The following CATSPERE variants were observed in gnomAD, a reference collection of about 807,000 sequenced individuals.
The protein encoded by CATSPERE is cation channel sperm-associated auxiliary subunit epsilon.
A neutral mutation model predicts 114.1 loss-of-function variants in CATSPERE; 93 were observed. That is an observed-to-expected ratio of 0.81 (90% CI 0.69 to 0.97). The LOEUF (loss-of-function observed/expected upper bound fraction) is 0.97, where lower values mean the gene tolerates loss of function less well. CATSPERE is among the 50% of genes least tolerant of loss of function. CATSPERE has a pLI of 0.00. For missense variants in CATSPERE, 1,058 were observed against 1,131.6 expected (o/e 0.93, Z 0.93); for synonymous variants, 341 against 384.1 (o/e 0.89, Z 1.31).
At chr1:244,523,957 T>G (rs1295042917) in intron 8 of CATSPERE, among the ~76,000 whole-genome samples, 1 of 145,968 alleles carries the variant, frequency 6.9e-6, no homozygotes, top group African/African-American at 2.6e-5. Context: ...AAGCTACCAA[T>G]GACTTTCTTC....
At chr1:244,634,573 T>C (rs1674374053) in intron 20 of CATSPERE, among the ~76,000 whole-genome samples, 1 of 152,216 alleles carries the variant, frequency 6.6e-6, no homozygotes, top group South Asian at 2.1e-4. Flanking sequence ...GAAATGATAA[T>C]ACAGTTTTAC....
Position 244,640,189 on chromosome 1 carries a change from G to GTAA in CATSPERE, c.*110_*111insATA. The GTAA allele has an allele frequency of 1.5e-6, 1 of 681,902 alleles. No homozygotes were observed. Among genetic ancestry groups the GTAA allele is most frequent in the Non-Finnish European group, 2.1e-6 (1 of 480,268 alleles). The allele number at this position is 681,902 out of a possible 1,614,324, so 42.2% of individuals were successfully genotyped here. On this transcript the variant is annotated 3_prime_UTR_variant, in exon 22 of 22. Coordinates refer to ENST00000366534, the MANE Select transcript of CATSPERE (RefSeq NM_001130957.2). The stretch of plus-strand genomic sequence containing the variant: ...ACCAAGAAATACTAAATATAAGCTC[G>GTAA]TAGTAGGCATCACCAAATTCAAGAT...
chr1:244,559,136 G>A (rs1388103532), intron 9 of CATSPERE, among the ~76,000 whole-genome samples: 2 of 152,150 alleles, frequency 1.3e-5, no homozygotes, highest in African/African-American at 4.8e-5. Flanking sequence ...GGGAATCCTT[G>A]GAATTCTTAT....
At chr1:244,495,513 G>A (rs1572400481) in intron 6 of CATSPERE, among the ~76,000 whole-genome samples, 1 of 152,084 alleles carries the variant, frequency 6.6e-6, no homozygotes, top group East Asian at 1.9e-4. Context: ...ATGAGGTCAG[G>A]AGATTGAGAC....
chr1:244,625,887 C>T (rs1015548506), intron 20 of CATSPERE, among the ~76,000 whole-genome samples: 1 of 151,836 alleles, frequency 6.6e-6, no homozygotes, highest in Non-Finnish European at 1.5e-5. Context: ...CCATGCCCGG[C>T]CAAGTAGTAA....
intron 8 of CATSPERE, among the ~76,000 whole-genome samples, chr1:244,528,785 C>CCACACACACACACACACACA (rs56746061): frequency 8.7e-4 from 114 of 130,572 alleles, no homozygotes; most frequent in African/African-American, 1.9e-3. Flanking sequence ...CAATCCCCCA[C>CCACACACACACACACACACA]CACACACACA....
Position 244,617,584 on chromosome 1 carries a change from C to A in CATSPERE, c.2546C>A (p.Pro849Gln). 1 of 1,542,306 alleles carries A rather than the reference C, an allele frequency of 6.5e-7. No homozygotes were observed. The highest frequency in any genetic ancestry group is 1.2e-5 in the South Asian group (1 of 81,806). Residue 849 changes from proline (P) to glutamine (Q), a missense_variant, in exon 20 of 22, where the codon CCA becomes CAA. Physicochemically the swap from Pro to Gln is moderately conservative, Grantham distance 76. Transcript: ENST00000366534. ...AIGKPGDLNQ[P>Q]YEIINSSNGN... ...GGAAAACCAGGAGACTTAAATCAAC[C>A]ATACGAGATTATCAACAGTTCTAAT...
intron 8 of CATSPERE, among the ~76,000 whole-genome samples, chr1:244,537,462 T>A (rs1157965456): frequency 6.6e-6 from 1 of 152,210 alleles, no homozygotes; most frequent in Non-Finnish European, 1.5e-5. Context: ...TGTCTGGTTT[T>A]GGTTATTAGG....
At position 244,572,440 on chromosome 1, in the gene CATSPERE, G is replaced by C. The variant is rs536507344; in HGVS notation, c.1618G>C (p.Ala540Pro). ...LHLWTNYTTRAFIFLSTSGQT... is the reference protein window; with the variant it reads ...LHLWTNYTTRPFIFLSTSGQT... ...TTTATGGACAAATTACACAACAAGA[G>C]CATTCATTTTCTTAAGTACATCTGG... is the stretch of plus-strand genomic sequence containing the variant. The change falls in exon 11 of 22, where the codon GCA becomes CCA. Residue 540 changes from alanine (A) to proline (P), a missense_variant. Coordinates refer to ENST00000366534, the MANE Select transcript of CATSPERE (RefSeq NM_001130957.2). 28 of 1,612,020 alleles carry C rather than the reference G, an allele frequency of 1.7e-5. No homozygotes were observed. In the East Asian group the frequency reaches 6.2e-4, roughly 36 times the overall value.
chr1:244,534,580 G>A (rs767972584), intron 8 of CATSPERE, among the ~76,000 whole-genome samples: 14 of 151,772 alleles, frequency 9.2e-5, no homozygotes, highest in East Asian at 1.9e-4. Flanking sequence ...TCATTATGTC[G>A]ATTGCATTTT....
intron 7 of CATSPERE, among the ~76,000 whole-genome samples, chr1:244,516,379 A>T (rs1676620754): frequency 6.6e-6 from 1 of 151,792 alleles, no homozygotes; most frequent in African/African-American, 2.4e-5. Flanking sequence ...ATGGGGTCTC[A>T]CTCTTTTACC....
At chr1:244,485,204 CAG>C (rs1670804736) in intron 5 of CATSPERE, among the ~76,000 whole-genome samples, 1 of 150,368 alleles carries the variant, frequency 6.7e-6, no homozygotes, top group Non-Finnish European at 1.5e-5. Flanking sequence ...TTTTTTGAGA[CAG>C]AGTCTCACTC....
intron 21 of CATSPERE, among the ~76,000 whole-genome samples, chr1:244,638,778 C>T (rs1404137027): frequency 6.6e-6 from 1 of 152,136 alleles, no homozygotes; most frequent in East Asian, 1.9e-4. Flanking sequence ...TTCTCAAACC[C>T]CACATCTTAA....
chr1:244,637,205 C>T (rs1225119368), intron 21 of CATSPERE, among the ~76,000 whole-genome samples: 1 of 152,108 alleles, frequency 6.6e-6, no homozygotes, highest in Non-Finnish European at 1.5e-5. Context: ...AAAACCTACC[C>T]GATCCTTTGA....
intron 6 of CATSPERE, 43 bp from the exon 7 acceptor site, chr1:244,498,959 T>C: frequency 6.9e-7 from 1 of 1,456,458 alleles, no homozygotes; most frequent in African/African-American, 1.4e-5. Flanking sequence ...AAAAAGAAAT[T>C]TGTACAAAAT....
intron 2 of CATSPERE, among the ~76,000 whole-genome samples, chr1:244,474,063 G>A (rs368642185): frequency 1.9e-4 from 28 of 150,314 alleles, no homozygotes; most frequent in Middle Eastern, 3.4e-3. Flanking sequence ...ATGGAGTCCC[G>A]CCCTGTCACC....
chr1:244,459,149 G>T (rs567183614), upstream of CATSPERE, among the ~76,000 whole-genome samples: 31 of 151,386 alleles, frequency 2.0e-4, no homozygotes, highest in Non-Finnish European at 4.3e-4. Flanking sequence ...CTCAGTCTCG[G>T]CTCACTGCAA....
At chr1:244,519,936 G>A (rs1677245102) in intron 8 of CATSPERE, among the ~76,000 whole-genome samples, 1 of 152,106 alleles carries the variant, frequency 6.6e-6, no homozygotes. Flanking sequence ...CCATCACTAT[G>A]ATAACCCTCA....
chr1:244,536,052 C>T (rs1040822578), intron 8 of CATSPERE, among the ~76,000 whole-genome samples: 2 of 151,908 alleles, frequency 1.3e-5, no homozygotes, highest in South Asian at 2.1e-4. Flanking sequence ...CTGGAAATGT[C>T]GTCTAGGAAC....
Sources: allele counts gnomAD v4.1 joint callset (sites outside exome capture counted in the v4.1 genomes callset), GRCh38; gene constraint gnomAD v4.1.1; transcripts MANE v1.5; gene names NCBI Gene and HGNC (gene_info 2026-07-23, HGNC 2026-07-21).